The following TMEM266 variants were observed in gnomAD, a reference collection of about 807,000 sequenced individuals.
The protein encoded by TMEM266 is transmembrane protein 266.
Under a neutral mutation model 50.5 loss-of-function variants are expected in TMEM266, and 33 were observed. The observed-to-expected ratio is 0.65, with a 90% confidence interval of 0.50 to 0.87. The LOEUF (loss-of-function observed/expected upper bound fraction) is 0.87. Ranked by LOEUF, TMEM266 falls within the 40% of genes least tolerant of loss-of-function variation. The pLI, the probability that TMEM266 is intolerant of heterozygous loss-of-function variation, is 0.00. For missense variants in TMEM266, 655 were observed against 695.1 expected, an observed-to-expected ratio of 0.94 and a Z score of 0.65; for synonymous variants, 310 against 292.3, an observed-to-expected ratio of 1.06 and a Z score of -0.62.
intron 1 of TMEM266, among the ~76,000 whole-genome samples, chr15:76,090,491 C>CA (rs34778511): frequency 0.1 from 7,483 of 74,012 alleles, 866 homozygotes; most frequent in African/African-American, 0.28. Context: ...GACTCTGTCT[C>CA]AAAAAAAAAA....
intron 9 of TMEM266, among the ~76,000 whole-genome samples, chr15:76,196,904 C>A (rs1020369634): frequency 6.6e-6 from 1 of 152,330 alleles, no homozygotes; most frequent in Admixed American, 6.5e-5. Flanking sequence ...GTTCACAGTG[C>A]CCCTGTGTAG....
At chr15:76,156,367 AAAAG>A (rs2037925185) in intron 3 of TMEM266, among the ~76,000 whole-genome samples, 1 of 152,136 alleles carries the variant, frequency 6.6e-6, no homozygotes, top group African/African-American at 2.4e-5. Flanking sequence ...CTCAAAAAAG[AAAAG>A]AAAAGAAAAG....
chr15:76,093,290 C>T (rs1469536698), intron 1 of TMEM266, among the ~76,000 whole-genome samples: 3 of 151,240 alleles, frequency 2.0e-5, no homozygotes, highest in African/African-American at 7.3e-5. Flanking sequence ...CTCCCTCTAG[C>T]CCCCCACCCC....
At chr15:76,117,207 C>G (rs2037264889) in intron 1 of TMEM266, among the ~76,000 whole-genome samples, 1 of 152,048 alleles carries the variant, frequency 6.6e-6, no homozygotes, top group Non-Finnish European at 1.5e-5. Flanking sequence ...CCGAATCCAT[C>G]AGGGTCTTAC....
chr15:76,063,391 T>C (rs564445240), intron 1 of TMEM266, among the ~76,000 whole-genome samples: 9 of 152,194 alleles, frequency 5.9e-5, no homozygotes, highest in Non-Finnish European at 1.0e-4. Flanking sequence ...TTCTGCCCCA[T>C]AGTTCTCTGG....
intron 2 of TMEM266, among the ~76,000 whole-genome samples, chr15:76,134,817 C>G (rs1596126332): frequency 6.6e-6 from 1 of 152,198 alleles, no homozygotes; most frequent in Non-Finnish European, 1.5e-5. Context: ...TAACAACCAA[C>G]CATAGAACCT....
rs1041803103 is a variant in TMEM266, at chr15:76,160,020, G to A, written c.383-75G>A. 2.0e-5 allele frequency: 28 copies of A among 1,426,060 alleles called. No individual in the cohort carries two copies. Among genetic ancestry groups the A allele is most frequent in the African/African-American group, 2.8e-5 (2 of 70,962 alleles). The allele number at this position is 1,426,060 out of a possible 1,614,324, so 88.3% of individuals were successfully genotyped here. Reference sequence around the variant, plus strand: ...GCCCCGGGGTCCCAGAGGTCTGGACGGATGCTGCGAAGCCCCCATAGCAAC... The same window carrying A: ...GCCCCGGGGTCCCAGAGGTCTGGACAGATGCTGCGAAGCCCCCATAGCAAC... On this transcript the variant is annotated intron_variant, in intron 4 of 10. Coordinates refer to ENST00000388942, the MANE Select transcript of TMEM266 (RefSeq NM_152335.3). This position sits in a 1 kb window ranked among gnomAD's most constrained non-coding sequence, Gnocchi z 5.7.
intron 1 of TMEM266, among the ~76,000 whole-genome samples, chr15:76,066,842 G>T (rs964645434): frequency 2.0e-5 from 3 of 152,120 alleles, no homozygotes; most frequent in African/African-American, 7.2e-5. Flanking sequence ...ACATTCTGTA[G>T]CAGAGTTTCT....
intron 5 of TMEM266, among the ~76,000 whole-genome samples, chr15:76,165,629 G>T (rs1027373127): frequency 6.6e-6 from 1 of 152,210 alleles, no homozygotes; most frequent in Non-Finnish European, 1.5e-5. Flanking sequence ...TGGGGCTGGG[G>T]CTATGGCTGG....
Position 76,195,709 on chromosome 15 carries a change from C to T in TMEM266, c.958+3552C>T, listed in dbSNP as rs571327988. Among the ~76,000 whole-genome samples, 6 of 152,384 alleles carry T rather than the reference C, an allele frequency of 3.9e-5. No homozygotes were observed. In the South Asian group the frequency reaches 1.0e-3, roughly 26 times the overall value. ...GGTCTAAGCACTCCCGGTACAGCTG[C>T]TCTCCGCAGCACCTCCTCTGTCTCT... is the stretch of plus-strand genomic sequence containing the variant. On this transcript the variant is annotated intron_variant, in intron 9 of 10. Transcript: ENST00000388942.
chr15:76,081,740 G>A (rs1487667630), intron 1 of TMEM266, among the ~76,000 whole-genome samples: 1 of 152,162 alleles, frequency 6.6e-6, no homozygotes, highest in Non-Finnish European at 1.5e-5. Flanking sequence ...GTATGAGAAA[G>A]CTTCCAACAC....
chr15:76,147,898 G>T (rs1049658355), intron 3 of TMEM266, among the ~76,000 whole-genome samples: 10 of 152,196 alleles, frequency 6.6e-5, no homozygotes, highest in Admixed American at 5.2e-4. Flanking sequence ...GGTGGTGCGC[G>T]CCAGTAGTCC....
At chr15:76,190,780 C>T (rs1216183700) in intron 8 of TMEM266, among the ~76,000 whole-genome samples, 2 of 152,174 alleles carry the variant, frequency 1.3e-5, no homozygotes, top group African/African-American at 4.8e-5. Context: ...GAGAGTCTGA[C>T]ACCCCAGTTT....
chr15:76,126,534 AT>A (rs560928549), intron 1 of TMEM266, among the ~76,000 whole-genome samples: 10,864 of 142,280 alleles, frequency 0.076, 676 homozygotes, highest in East Asian at 0.22. Flanking sequence ...TATAGTTAGA[AT>A]TTTTTTTTTT....
In TMEM266 at chr15:76,095,900, G is replaced by A. The variant is rs145294446; in HGVS notation, c.-97+35884G>A. ...CTTCTAGATTTTCTAGTTTATTTGCGTAGAGGTATTTATAGTATTCTCTGA... is the reference window on the plus strand; with the variant it reads ...CTTCTAGATTTTCTAGTTTATTTGCATAGAGGTATTTATAGTATTCTCTGA... On this transcript the variant is annotated intron_variant, in intron 1 of 10. Transcript: ENST00000388942. Among the ~76,000 whole-genome samples, 164 of 152,072 alleles carry A rather than the reference G, an allele frequency of 1.1e-3. 1 individual carries two copies. The highest frequency in any genetic ancestry group is 3.4e-3 in the Middle Eastern group (1 of 294).
At chr15:76,187,902 TGCATACCAG>T (rs1371824471) in intron 8 of TMEM266, among the ~76,000 whole-genome samples, 2 of 152,338 alleles carry the variant, frequency 1.3e-5, no homozygotes, top group East Asian at 3.9e-4. Context: ...GAGTGCTTCT[TGCATACCAG>T]GCAACACAAC....
chr15:76,189,303 G>T (rs1298702477), intron 8 of TMEM266, among the ~76,000 whole-genome samples: 1 of 144,060 alleles, frequency 6.9e-6, no homozygotes, highest in East Asian at 1.9e-4. Context: ...TCTGTCCATC[G>T]TGACAATCTT....
At chr15:76,118,627 C>T (rs1425328324) in intron 1 of TMEM266, among the ~76,000 whole-genome samples, 1 of 152,226 alleles carries the variant, frequency 6.6e-6, no homozygotes, top group Non-Finnish European at 1.5e-5. Context: ...CTGCCCAGCC[C>T]TGAGCTCTGC....
At chr15:76,102,356 T>C (rs1362879592) in intron 1 of TMEM266, among the ~76,000 whole-genome samples, 1 of 152,024 alleles carries the variant, frequency 6.6e-6, no homozygotes, top group Non-Finnish European at 1.5e-5. Context: ...AAAATAAAGC[T>C]GGGAGATAGG....
Sources: gnomAD v4.1 joint callset for allele counts (sites outside exome capture counted in the v4.1 genomes callset) on GRCh38, gnomAD v4.1.1 for gene constraint, Gnocchi (gnomAD v3.1) non-coding constraint, MANE v1.5 for transcripts, NCBI Gene and HGNC (gene_info 2026-07-23, HGNC 2026-07-21) for gene names.